Variants in KCNQ3 observed in about 807,000 individuals in gnomAD.
KCNQ3 encodes the protein potassium voltage-gated channel subfamily KQT member 3.
A neutral mutation model predicts 92.5 loss-of-function variants in KCNQ3; 30 were observed. The ratio of observed to expected loss-of-function variants is 0.32; its 90% CI spans 0.24 to 0.44. KCNQ3 has a LOEUF of 0.44. Among genes scored for constraint, KCNQ3 ranks in the 20% least tolerant of loss-of-function variants. KCNQ3 has a pLI of 1.00. For missense variants in KCNQ3, 913 were observed against 1,140.3 expected (o/e 0.80, Z 2.87); for synonymous variants, 450 against 468.8 (o/e 0.96, Z 0.52).
chr8:132,138,023 G>A lies in KCNQ3; in HGVS notation c.1569-7C>T. The stretch of plus-strand genomic sequence containing the variant: ...GAGACGGAATTGTAGAATTCTGCAA[G>A]GCAAAGTAGAGGCATTTGTGCATCC... On this transcript the variant is annotated splice_polypyrimidine_tract_variant and splice_region_variant and intron_variant, in intron 11 of 14. Coordinates refer to ENST00000388996, the MANE Select transcript of KCNQ3 (RefSeq NM_004519.4). 1 of 1,607,442 alleles carries A rather than the reference G, an allele frequency of 6.2e-7. No individual in the cohort carries two copies.
chr8:132,136,729 T>TATGCATATA (rs1315350376), intron 12 of KCNQ3, among the ~76,000 whole-genome samples: 2 of 152,214 alleles, frequency 1.3e-5, no homozygotes, highest in Non-Finnish European at 2.9e-5. Flanking sequence ...GATATATACA[T>TATGCATATA]ATGCATATAT....
chr8:132,439,999 T>C (rs537640922), intron 1 of KCNQ3, among the ~76,000 whole-genome samples: 131 of 152,334 alleles, frequency 8.6e-4, no homozygotes, highest in Non-Finnish European at 1.6e-3. Flanking sequence ...TACAAAGTGG[T>C]GTACTATTTG....
intron 1 of KCNQ3, among the ~76,000 whole-genome samples, chr8:132,422,309 G>A (rs1011171951): frequency 6.6e-6 from 1 of 152,012 alleles, no homozygotes; most frequent in African/African-American, 2.4e-5. Flanking sequence ...TCACTTCCAT[G>A]CCTAGAACTC....
At chr8:132,299,099 T>A (rs1741258470) in intron 1 of KCNQ3, among the ~76,000 whole-genome samples, 1 of 151,678 alleles carries the variant, frequency 6.6e-6, no homozygotes, top group African/African-American at 2.4e-5. Flanking sequence ...GTTTCTTTTT[T>A]TTTTCTTGGT....
intron 1 of KCNQ3, among the ~76,000 whole-genome samples, chr8:132,333,456 T>A (rs1301151499): frequency 6.6e-6 from 1 of 152,182 alleles, no homozygotes; most frequent in Non-Finnish European, 1.5e-5. Context: ...GAGTCAGCAT[T>A]TTAAGGAAGC....
chr8:132,184,629 G>T (rs750689592), intron 2 of KCNQ3, among the ~76,000 whole-genome samples: 1 of 152,110 alleles, frequency 6.6e-6, no homozygotes, highest in Non-Finnish European at 1.5e-5. Flanking sequence ...GTGATTACTC[G>T]TTCTTTTTTC....
chr8:132,291,343 A>G (rs2130555467), intron 1 of KCNQ3, among the ~76,000 whole-genome samples: 1 of 152,344 alleles, frequency 6.6e-6, no homozygotes, highest in Middle Eastern at 3.4e-3. Flanking sequence ...AAAAGTACCA[A>G]TAAAAGTGAT....
chr8:132,411,546 G>A (rs1041278661), intron 1 of KCNQ3, among the ~76,000 whole-genome samples: 2 of 152,154 alleles, frequency 1.3e-5, no homozygotes, highest in Non-Finnish European at 2.9e-5. Flanking sequence ...GTTGGTGAGG[G>A]AGGCTACCAG....
intron 1 of KCNQ3, among the ~76,000 whole-genome samples, chr8:132,296,526 C>T (rs528759973): frequency 7.6e-4 from 116 of 152,112 alleles, no homozygotes; most frequent in Admixed American, 2.0e-3. Flanking sequence ...TCTCCTAATG[C>T]TATCCCTCCC....
intron 8 of KCNQ3, among the ~76,000 whole-genome samples, chr8:132,164,294 T>C (rs1826077500): frequency 6.7e-6 from 1 of 149,750 alleles, no homozygotes; most frequent in Non-Finnish European, 1.5e-5. Context: ...AATGGTACTC[T>C]GTCATTATTA....
At chr8:132,418,123 G>C (rs1330370697) in intron 1 of KCNQ3, among the ~76,000 whole-genome samples, 1 of 152,202 alleles carries the variant, frequency 6.6e-6, no homozygotes, top group Non-Finnish European at 1.5e-5. Context: ...TAAGAAGGCA[G>C]TGCTGGTTTT....
intron 3 of KCNQ3, among the ~76,000 whole-genome samples, chr8:132,182,896 A>G (rs942660563): frequency 4.0e-5 from 6 of 150,038 alleles, no homozygotes; most frequent in Non-Finnish European, 8.8e-5. Flanking sequence ...ACACACACAC[A>G]CACACACACA....
At chr8:132,164,917 T>C (rs930594668) in intron 8 of KCNQ3, among the ~76,000 whole-genome samples, 1 of 152,102 alleles carries the variant, frequency 6.6e-6, no homozygotes, top group Non-Finnish European at 1.5e-5. Flanking sequence ...GGTCTCACCA[T>C]CTGGCTCCAC....
chr8:132,375,317 A>C (rs1645636399), intron 1 of KCNQ3, among the ~76,000 whole-genome samples: 1 of 151,076 alleles, frequency 6.6e-6, no homozygotes, highest in Non-Finnish European at 1.5e-5. Context: ...TTTCCAAAAC[A>C]GGTAATCACT....
chr8:132,238,096 C>T (rs192363930), intron 1 of KCNQ3, among the ~76,000 whole-genome samples: 3 of 152,284 alleles, frequency 2.0e-5, no homozygotes, highest in Admixed American at 2.0e-4. Context: ...AAACTTCACA[C>T]TTGTACAATG....
intron 1 of KCNQ3, among the ~76,000 whole-genome samples, chr8:132,283,090 C>G (rs1156822346): frequency 7.3e-6 from 1 of 137,752 alleles, no homozygotes; most frequent in Admixed American, 6.9e-5. Context: ...CTCTCTCTCT[C>G]TCGTGTGTGT....
At chr8:132,308,188 G>A (rs1390745134) in intron 1 of KCNQ3, among the ~76,000 whole-genome samples, 5 of 152,322 alleles carry the variant, frequency 3.3e-5, no homozygotes, top group African/African-American at 1.2e-4. Context: ...GCTGGGCTAT[G>A]AGGTTCCACC....
At chr8:132,181,199 C>T (rs1826758828) in intron 3 of KCNQ3, among the ~76,000 whole-genome samples, 1 of 152,170 alleles carries the variant, frequency 6.6e-6, no homozygotes, top group South Asian at 2.1e-4. Context: ...AGGCTCTTGA[C>T]ATCAAATCCT....
At chr8:132,218,745 T>A (rs747470683) in intron 1 of KCNQ3, among the ~76,000 whole-genome samples, 1 of 152,160 alleles carries the variant, frequency 6.6e-6, no homozygotes, top group East Asian at 1.9e-4. Context: ...TTCCTGGAAA[T>A]AGTCAATTTA....
Sources: allele counts gnomAD v4.1 joint callset (sites outside exome capture counted in the v4.1 genomes callset), GRCh38; gene constraint gnomAD v4.1.1; transcripts MANE v1.5; gene names NCBI Gene and HGNC (gene_info 2026-07-23, HGNC 2026-07-21).